Variants in VPS13B observed in about 807,000 individuals in gnomAD.
VPS13B encodes vacuolar protein sorting 13 homolog B.
In VPS13B, 285 loss-of-function variants were observed where a neutral mutation model predicts 426.4. The observed-to-expected ratio is 0.67, with a 90% CI of 0.61 to 0.74. The LOEUF is 0.74. Ranked by LOEUF, VPS13B falls within the 30% of genes least tolerant of loss-of-function variation. The probability of loss-of-function intolerance (pLI) is 0.00; values close to 1 mark genes in which losing one functional copy is unlikely to be tolerated. For missense variants in VPS13B, 4,537 were observed against 4,782.6 expected (o/e 0.95, Z 1.51); for synonymous variants, 1,676 against 1,676.4 (o/e 1.00, Z 0.01).
intron 33 of VPS13B, among the ~76,000 whole-genome samples, chr8:99,596,910 A>C (rs1827046749): frequency 2.0e-5 from 3 of 152,050 alleles, no homozygotes; most frequent in African/African-American, 7.2e-5. Context: ...CCGTAGCTAG[A>C]GAGTCTTCAG....
chr8:99,353,063 C>A (rs920084107), intron 19 of VPS13B, among the ~76,000 whole-genome samples: 1 of 151,746 alleles, frequency 6.6e-6, no homozygotes, highest in African/African-American at 2.4e-5. Flanking sequence ...CTCACTGCAA[C>A]CTCCGCCTCC....
At chr8:99,182,032 A>G (rs1396976213) in intron 16 of VPS13B, among the ~76,000 whole-genome samples, 1 of 152,188 alleles carries the variant, frequency 6.6e-6, no homozygotes, top group Non-Finnish European at 1.5e-5. Flanking sequence ...AAAGAACCCA[A>G]CAACTATACA....
At chr8:99,082,032 G>A (rs1397184479) in intron 3 of VPS13B, among the ~76,000 whole-genome samples, 2 of 152,114 alleles carry the variant, frequency 1.3e-5, no homozygotes, top group Non-Finnish European at 2.9e-5. Flanking sequence ...CTGAGGAATC[G>A]CCACACTGAC....
chr8:99,653,292 C>A (rs1190853687), intron 34 of VPS13B, among the ~76,000 whole-genome samples: 1 of 152,100 alleles, frequency 6.6e-6, no homozygotes, highest in East Asian at 1.9e-4. Context: ...GATTAGTGCC[C>A]TGGCCTTTGT....
chr8:99,132,798 A>C (rs1280967602), intron 8 of VPS13B, among the ~76,000 whole-genome samples: 2 of 152,170 alleles, frequency 1.3e-5, no homozygotes, highest in East Asian at 1.9e-4. Context: ...GTGAGCAGTA[A>C]TATTTTAAGA....
intron 36 of VPS13B, among the ~76,000 whole-genome samples, chr8:99,716,399 A>G (rs1832922292): frequency 1.3e-5 from 2 of 152,202 alleles, no homozygotes; most frequent in Non-Finnish European, 2.9e-5. Flanking sequence ...AATATTCACT[A>G]TGACAATTTA....
intron 17 of VPS13B, among the ~76,000 whole-genome samples, chr8:99,225,295 T>C (rs967500516): frequency 1.3e-5 from 2 of 152,152 alleles, no homozygotes; most frequent in African/African-American, 2.4e-5. Context: ...TTTTTTGTTT[T>C]TTGAGATGGA....
rs1554573283 is a variant in VPS13B, at chr8:99,831,076, C to CTTTTCTTTTTTT, written c.9331-1289_9331-1288insCTTTTTTTTTTT. On this transcript the variant is annotated intron_variant, in intron 51 of 61. Coordinates refer to ENST00000357162, the MANE Select transcript of VPS13B (RefSeq NM_152564.5). ...CTTGCCCGGGAATTGGTGTTTTTTT[C>CTTTTCTTTTTTT]TTTTTTTTTTTTTTGAGATAGAGTC... 4.2e-5 allele frequency among the ~76,000 whole-genome samples: 5 copies of CTTTTCTTTTTTT among 120,080 alleles called. No individual in the cohort carries two copies. The East Asian group carries it at 1.3e-3, about 31-fold the overall frequency. The allele number at this position is 120,080 out of a possible 152,430, so 78.8% of individuals were successfully genotyped here. A position where few individuals can be genotyped will look rare whatever the true frequency, so the allele number is the denominator to read the frequency against.
intron 21 of VPS13B, 81 bp from the exon 22 acceptor site, chr8:99,431,452 GAAAC>G (rs1406432473): frequency 1.3e-6 from 2 of 1,513,118 alleles, no homozygotes; most frequent in Non-Finnish European, 1.8e-6. Context: ...AGCAAGGAAA[GAAAC>G]AATCTTGAAA....
At chr8:99,843,915 G>A (rs768061609) in intron 54 of VPS13B, among the ~76,000 whole-genome samples, 7 of 152,290 alleles carry the variant, frequency 4.6e-5, no homozygotes, top group Non-Finnish European at 8.8e-5. Flanking sequence ...AATTCCCTGT[G>A]CCAGGAACCA....
At chr8:99,262,974 C>A (rs1818126823) in intron 17 of VPS13B, among the ~76,000 whole-genome samples, 1 of 152,006 alleles carries the variant, frequency 6.6e-6, no homozygotes, top group African/African-American at 2.4e-5. Context: ...GGGGTCCCAT[C>A]ATGTAGCCCA....
intron 19 of VPS13B, among the ~76,000 whole-genome samples, chr8:99,290,399 G>A (rs567339043): frequency 6.6e-5 from 10 of 151,950 alleles, no homozygotes; most frequent in African/African-American, 1.2e-4. Flanking sequence ...GCAAACTAAC[G>A]CAAGAACAAA....
At chr8:99,708,043 T>G (rs568976055) in intron 36 of VPS13B, among the ~76,000 whole-genome samples, 8 of 152,210 alleles carry the variant, frequency 5.3e-5, no homozygotes, top group Non-Finnish European at 1.2e-4. Flanking sequence ...AGCAGTTTCC[T>G]CGCATAATTC....
At chr8:99,825,859 T>G (rs967290314) in intron 51 of VPS13B, among the ~76,000 whole-genome samples, 1 of 152,208 alleles carries the variant, frequency 6.6e-6, no homozygotes, top group Non-Finnish European at 1.5e-5. Context: ...TTGTCAGGTT[T>G]GTCAAAGATC....
rs577401093 is a variant in VPS13B at position 99,074,134 on chromosome 8, TG to T, written c.292-22175del. On this transcript the variant is annotated intron_variant, in intron 3 of 61. Transcript: ENST00000357162. ...CTGTGTTGAGTAAGAATGGTGAAAA[TG>T]GGCATCCTTGAAAGCCTTTCAGTTT... 4.6e-3 allele frequency among the ~76,000 whole-genome samples: 693 copies of T among 152,232 alleles called. 2 individuals carry two copies. Among genetic ancestry groups the T allele is most frequent in the Middle Eastern group, 0.01 (3 of 294 alleles).
intron 4 of VPS13B, among the ~76,000 whole-genome samples, chr8:99,100,355 A>G (rs923161020): frequency 6.6e-5 from 10 of 152,266 alleles, no homozygotes; most frequent in Admixed American, 3.3e-4. Context: ...TGATGGTGCA[A>G]CTTTGGCTCA....
intron 39 of VPS13B, among the ~76,000 whole-genome samples, chr8:99,722,980 T>C (rs1489221065): frequency 3.9e-5 from 6 of 152,226 alleles, no homozygotes; most frequent in Non-Finnish European, 1.5e-5. Context: ...TTATTGGTGG[T>C]ATGATGTAAA....
chr8:99,472,845 G>A (rs1217390669), intron 24 of VPS13B, among the ~76,000 whole-genome samples: 2 of 151,926 alleles, frequency 1.3e-5, no homozygotes, highest in Admixed American at 6.6e-5. Context: ...ATAAAGGGGA[G>A]TTGATAACAT....
At chr8:99,237,354 A>G (rs1445971111) in intron 17 of VPS13B, among the ~76,000 whole-genome samples, 2 of 152,224 alleles carry the variant, frequency 1.3e-5, no homozygotes, top group Admixed American at 1.3e-4. Context: ...CTATAAAAAT[A>G]GAGGATTATA....
Sources: gnomAD v4.1 joint callset for allele counts (sites outside exome capture counted in the v4.1 genomes callset) on GRCh38, gnomAD v4.1.1 for gene constraint, MANE v1.5 for transcripts, NCBI Gene and HGNC (gene_info 2026-07-23, HGNC 2026-07-21) for gene names.